DENND1A: variants seen among roughly 807,000 people sequenced by gnomAD.
DENND1A encodes DENN domain-containing protein 1A.
DENND1A carries 51 observed loss-of-function variants against 113.7 expected under a neutral mutation model. That is an observed-to-expected ratio of 0.45 (90% CI 0.36 to 0.57). The LOEUF is 0.57. DENND1A is among the 20% of genes least tolerant of loss of function. DENND1A has a pLI of 0.00. For synonymous variants in DENND1A, 565 were observed against 570.8 expected, an observed-to-expected ratio of 0.99 and a Z score of 0.14; for missense variants, 1,258 against 1,395.9, an observed-to-expected ratio of 0.90 and a Z score of 1.57.
intron 2 of DENND1A, among the ~76,000 whole-genome samples, chr9:123,825,035 C>T (rs2132667357): frequency 6.6e-6 from 1 of 152,022 alleles, no homozygotes; most frequent in Non-Finnish European, 1.5e-5. Flanking sequence ...TTTAAGTGGG[C>T]AAGAAGCAAG....
At position 123,546,012 on chromosome 9, in the gene DENND1A, C is replaced by T. The variant is rs373134821; in HGVS notation, c.993+11558G>A. On this transcript the variant is annotated intron_variant, in intron 13 of 23. Transcript: ENST00000394215. The stretch of plus-strand genomic sequence containing the variant: ...ACAAAGATAGAGTATTTAAAACTGC[C>T]GTGGTGGCTTCAGCTTAATCCATGA... Among the ~76,000 whole-genome samples, 67 of 152,194 alleles carry T rather than the reference C, an allele frequency of 4.4e-4. 1 individual carries two copies. The highest frequency in any genetic ancestry group is 7.8e-4 in the Non-Finnish European group (53 of 68,018).
At chr9:123,461,345 A>T (rs1436987747) in intron 13 of DENND1A, among the ~76,000 whole-genome samples, 1 of 152,198 alleles carries the variant, frequency 6.6e-6, no homozygotes, top group Non-Finnish European at 1.5e-5. Context: ...CCCAGCCCCT[A>T]ATCAGAAGCT....
chr9:123,769,137 C>T (rs1829314821), intron 4 of DENND1A, among the ~76,000 whole-genome samples: 1 of 152,058 alleles, frequency 6.6e-6, no homozygotes, highest in African/African-American at 2.4e-5. Context: ...AAAACAAAGT[C>T]TATATAATAC....
At chr9:123,882,212 C>A (rs1324278540) in intron 1 of DENND1A, among the ~76,000 whole-genome samples, 1 of 151,828 alleles carries the variant, frequency 6.6e-6, no homozygotes, top group East Asian at 1.9e-4. Context: ...AACATCCCCA[C>A]TGGGCCAGGC....
At chr9:123,677,385 G>A (rs1359225185) in intron 5 of DENND1A, among the ~76,000 whole-genome samples, 1 of 152,110 alleles carries the variant, frequency 6.6e-6, no homozygotes, top group Non-Finnish European at 1.5e-5. Flanking sequence ...GAGCAGACTG[G>A]CTGCTGACCT....
At chr9:123,789,443 G>A (rs760650738) in intron 3 of DENND1A, among the ~76,000 whole-genome samples, 1 of 152,102 alleles carries the variant, frequency 6.6e-6, no homozygotes, top group Non-Finnish European at 1.5e-5. Context: ...TGTTGGGTCT[G>A]CATTACTTCC....
At chr9:123,850,465 T>C (rs560528350) in intron 2 of DENND1A, among the ~76,000 whole-genome samples, 1 of 152,368 alleles carries the variant, frequency 6.6e-6, no homozygotes, top group African/African-American at 2.4e-5. Context: ...AAACATAACT[T>C]TACATGCATT....
chr9:123,916,956 A>G (rs1855256070), intron 1 of DENND1A, among the ~76,000 whole-genome samples: 1 of 152,034 alleles, frequency 6.6e-6, no homozygotes, highest in African/African-American at 2.4e-5. Context: ...TTGGGAGGCC[A>G]AAGTGGGCAG....
intron 1 of DENND1A, among the ~76,000 whole-genome samples, chr9:123,905,031 G>C (rs1176089106): frequency 6.6e-6 from 1 of 152,168 alleles, no homozygotes; most frequent in African/African-American, 2.4e-5. Flanking sequence ...CTACAAGCCA[G>C]AAGAGAGTGG....
Position 123,738,387 on chromosome 9 carries a change from A to C in DENND1A, c.302+19316T>G, listed in dbSNP as rs149079988. On this transcript the variant is annotated intron_variant, in intron 5 of 23. Coordinates refer to ENST00000394215, the MANE Select transcript of DENND1A (RefSeq NM_001352964.2). ...ACAAGAGAATAAAAAAATTTTTCCC[A>C]ATTTAAACTTGTCCCTAGAGCCATA... is the stretch of plus-strand genomic sequence containing the variant. 9.3e-4 allele frequency among the ~76,000 whole-genome samples: 140 copies of C among 151,242 alleles called. 1 individual carries two copies. Among genetic ancestry groups the C allele is most frequent in the African/African-American group, 3.2e-3 (133 of 41,122 alleles).
chr9:123,713,777 G>A (rs1209781851), intron 5 of DENND1A, among the ~76,000 whole-genome samples: 1 of 151,900 alleles, frequency 6.6e-6, no homozygotes, highest in Non-Finnish European at 1.5e-5. Flanking sequence ...TTGACAATAA[G>A]AATATTATTA....
intron 18 of DENND1A, among the ~76,000 whole-genome samples, chr9:123,442,641 C>T (rs1462460743): frequency 6.6e-6 from 1 of 151,832 alleles, no homozygotes; most frequent in Admixed American, 6.6e-5. Flanking sequence ...GTAAGAAAAT[C>T]TGGGTATTAA....
rs572342811 is a variant in DENND1A, at chr9:123,761,399, A to G, written c.183-3577T>C. Among the ~76,000 whole-genome samples, 18 of 152,356 alleles carry G rather than the reference A, an allele frequency of 1.2e-4. 1 individual carries two copies. In the South Asian group the frequency reaches 3.5e-3, roughly 30 times the overall value. On this transcript the variant is annotated intron_variant, in intron 4 of 23. Transcript: ENST00000394215. ...AAAAGAGGGACGCAAGCTGTTGCCA[A>G]CTGTGAAAACTAAAACTCACATTAA...
intron 20 of DENND1A, 101 bp downstream of exon 20, chr9:123,411,675 T>G (rs945364109): frequency 3.6e-5 from 30 of 838,180 alleles, no homozygotes; most frequent in Non-Finnish European, 4.0e-5. Flanking sequence ...CCAGTTTTCT[T>G]TTGCCAGGCA....
intron 13 of DENND1A, among the ~76,000 whole-genome samples, chr9:123,549,469 C>T (rs572007400): frequency 5.3e-5 from 8 of 152,046 alleles, no homozygotes; most frequent in African/African-American, 1.4e-4. Context: ...TGAGCCACCG[C>T]GAGGCTGAGT....
chr9:123,476,669 G>T (rs2049939035), intron 13 of DENND1A, among the ~76,000 whole-genome samples: 1 of 152,150 alleles, frequency 6.6e-6, no homozygotes, highest in South Asian at 2.1e-4. Flanking sequence ...CGGTAGTGGT[G>T]GTGGTCTAGT....
intron 8 of DENND1A, among the ~76,000 whole-genome samples, chr9:123,657,286 T>C (rs985904263): frequency 6.6e-6 from 1 of 152,146 alleles, no homozygotes; most frequent in Non-Finnish European, 1.5e-5. Flanking sequence ...AGAAGCCTTA[T>C]AATGGCTGCT....
intron 2 of DENND1A, among the ~76,000 whole-genome samples, chr9:123,851,600 C>A (rs1478656510): frequency 6.6e-6 from 1 of 152,150 alleles, no homozygotes; most frequent in Non-Finnish European, 1.5e-5. Context: ...AACAGGGCTT[C>A]TAAGAAGCTT....
At chr9:123,728,185 G>A (rs2067853854) in intron 5 of DENND1A, among the ~76,000 whole-genome samples, 1 of 149,978 alleles carries the variant, frequency 6.7e-6, no homozygotes, top group African/African-American at 2.5e-5. Flanking sequence ...TTGTAAAAAG[G>A]TTATCTTTGC....
Sources: allele counts gnomAD v4.1 joint callset (sites outside exome capture counted in the v4.1 genomes callset), GRCh38; gene constraint gnomAD v4.1.1; transcripts MANE v1.5; gene names NCBI Gene and HGNC (gene_info 2026-07-23, HGNC 2026-07-21).